The following SGO2 variants were observed in gnomAD, a reference collection of about 807,000 sequenced individuals.
SGO2 encodes the protein shugoshin 2.
A neutral mutation model predicts 99.5 loss-of-function variants in SGO2; 68 were observed. The ratio of observed to expected loss-of-function variants is 0.68; its 90% confidence interval spans 0.56 to 0.84. The LOEUF is 0.84. SGO2 is among the 40% of genes least tolerant of loss of function. The probability of loss-of-function intolerance (pLI) is 0.00; values close to 1 mark genes in which losing one functional copy is unlikely to be tolerated. For missense variants in SGO2, 1,350 were observed against 1,436.7 expected (o/e 0.94, Z 0.97); for synonymous variants, 457 against 487.1 (o/e 0.94, Z 0.81).
chr2:200,528,573 G>T (rs2031215619), intron 1 of SGO2, among the ~76,000 whole-genome samples: 1 of 152,170 alleles, frequency 6.6e-6, no homozygotes, highest in Non-Finnish European at 1.5e-5. Flanking sequence ...TTAAATTTGA[G>T]ATGTGTGTTA....
chr2:200,555,394 C>T (rs1311328429), intron 5 of SGO2, among the ~76,000 whole-genome samples: 3 of 152,126 alleles, frequency 2.0e-5, no homozygotes, highest in African/African-American at 7.2e-5. Context: ...GCCTAATAAG[C>T]AGGCATAGCT....
intron 5 of SGO2, among the ~76,000 whole-genome samples, chr2:200,551,557 AT>A (rs906263593): frequency 1.3e-5 from 2 of 152,172 alleles, no homozygotes; most frequent in Admixed American, 6.5e-5. Flanking sequence ...ACCTCAATAC[AT>A]TTTTTTAAAA....
Position 200,572,268 on chromosome 2 carries a change from TA to T in SGO2, c.1929del (p.Gly644ValfsTer18), listed in dbSNP as rs1260834379. On this transcript the variant is annotated frameshift_variant, in exon 7 of 9. Transcript: ENST00000357799. LOFTEE classifies it high-confidence loss of function. ...AATGATAAAGATGTGGTGCATGGCC[TA>T]AAAAAAGGTAATTTTTTTTTCAAAA... Reference protein sequence around the residue: ...EDNDKDVVHGLKKGNFFFKTQ... With the variant: ...EDNDKDVVHGXKKGNFFFKTQ... 3.1e-6 allele frequency: 5 copies of T among 1,610,030 alleles called. No homozygotes were observed. The highest frequency in any genetic ancestry group is 3.4e-5 in the Admixed American group (2 of 59,394).
chr2:200,570,037 G>A lies in SGO2; in HGVS notation c.703+145G>A. 1 of 579,064 alleles carries A rather than the reference G, an allele frequency of 1.7e-6. No homozygotes were observed. The highest frequency in any genetic ancestry group is 2.9e-5 in the East Asian group (1 of 34,116). The allele number at this position is 579,064 out of a possible 1,614,324, so 35.9% of individuals were successfully genotyped here. On this transcript the variant is annotated intron_variant, in intron 6 of 8. Coordinates refer to ENST00000357799, the MANE Select transcript of SGO2 (RefSeq NM_152524.6). This position sits in a 1 kb window ranked among gnomAD's most constrained non-coding sequence, Gnocchi z 4.4. ...CTAACTTCTGCCATTTAAAACTGCT[G>A]GTGATAGATTTAATTTTAAAGTAAA...
Position 200,573,395 on chromosome 2 carries a change from ATCTC to A in SGO2, c.3050_3053del (p.Ile1017ThrfsTer2). On this transcript the variant is annotated frameshift_variant, in exon 7 of 9. Coordinates refer to ENST00000357799, the MANE Select transcript of SGO2 (RefSeq NM_152524.6). LOFTEE classifies it high-confidence loss of function. ...GTTAACAGAATCTTCACAGACATCT[ATCTC>A]CTTAGAATCTGATTTAAAACATATT... 2 of 1,602,990 alleles carry A rather than the reference ATCTC, an allele frequency of 1.2e-6. No individual in the cohort carries two copies. The highest frequency in any genetic ancestry group is 1.7e-6 in the Non-Finnish European group (2 of 1,176,962).
chr2:200,562,518 T>C (rs1302322422), intron 5 of SGO2, among the ~76,000 whole-genome samples: 8 of 152,230 alleles, frequency 5.3e-5, no homozygotes, highest in Non-Finnish European at 8.8e-5. Context: ...TCTTTTGGCT[T>C]AGGATTGTCT....
chr2:200,551,858 A>G (rs556652117), intron 5 of SGO2, among the ~76,000 whole-genome samples: 3 of 152,306 alleles, frequency 2.0e-5, no homozygotes, highest in Non-Finnish European at 4.4e-5. Flanking sequence ...CCTTTTGTCA[A>G]TACCACACTG....
intron 8 of SGO2, among the ~76,000 whole-genome samples, chr2:200,582,138 G>A (rs928607361): frequency 6.6e-6 from 1 of 152,042 alleles, no homozygotes; most frequent in Non-Finnish European, 1.5e-5. Context: ...AAATTATTGG[G>A]TAAAATACTA....
At chr2:200,529,956 A>C (rs2031293285) in intron 1 of SGO2, among the ~76,000 whole-genome samples, 2 of 152,240 alleles carry the variant, frequency 1.3e-5, no homozygotes, top group Admixed American at 1.3e-4. Context: ...TAAATGCAGA[A>C]TAACCAGTAT....
At chr2:200,578,034 C>T (rs1243281641) in intron 8 of SGO2, among the ~76,000 whole-genome samples, 1 of 152,050 alleles carries the variant, frequency 6.6e-6, no homozygotes, top group Non-Finnish European at 1.5e-5. Context: ...TTTTAGCATC[C>T]ATTGGTGGAT....
chr2:200,536,180 G>A (rs761917738), intron 4 of SGO2, 38 bp downstream of exon 4: 2 of 1,249,290 alleles, frequency 1.6e-6, no homozygotes, highest in Non-Finnish European at 2.3e-6. Context: ...TTGTTCTTTA[G>A]ATTACTGAGG....
At chr2:200,541,706 T>A (rs1172125457) in intron 4 of SGO2, among the ~76,000 whole-genome samples, 1 of 152,234 alleles carries the variant, frequency 6.6e-6, no homozygotes, top group African/African-American at 2.4e-5. Context: ...GGATGTGCTC[T>A]TTAACACTGG....
At position 200,569,697 on chromosome 2, in the gene SGO2, G is replaced by A. The variant is rs777890121; in HGVS notation, c.508G>A (p.Asp170Asn). ...AACTTCAAATGATGATGAAGATGAA[G>A]ATAAAGAGAAAATGCAGTGTGACAA... ...PLTSNDDEDE[D>N]KEKMQCDNNI... The change falls in exon 6 of 9, where the codon GAT becomes AAT. Residue 170 changes from aspartate to asparagine, a missense_variant. Physicochemically the swap from Asp to Asn is conservative, Grantham distance 23. Transcript: ENST00000357799. 4 of 1,610,644 alleles carry A rather than the reference G, an allele frequency of 2.5e-6. No homozygotes were observed. Among genetic ancestry groups the A allele is most frequent in the East Asian group, 2.2e-5 (1 of 44,672 alleles).
chr2:200,581,233 T>TAA (rs1218938939), intron 8 of SGO2, among the ~76,000 whole-genome samples: 3 of 152,158 alleles, frequency 2.0e-5, no homozygotes, highest in African/African-American at 7.2e-5. Context: ...ATTTACTGTA[T>TAA]TTATTATGTT....
At position 200,571,905 on chromosome 2, in the gene SGO2, A is replaced by T; in HGVS notation, c.1559A>T (p.Asp520Val). Residue 520 changes from aspartate to valine, a missense_variant, in exon 7 of 9, where the codon GAT becomes GTT. Transcript: ENST00000357799. Reference protein sequence around the residue: ...SGKFHQESKFDKGQNSLTCNK... With the variant: ...SGKFHQESKFVKGQNSLTCNK... ...AAATTTCACCAGGAGAGTAAATTTG[A>T]TAAGGGTCAGAATTCCCTAACTTGT... 1.2e-6 allele frequency: 2 copies of T among 1,613,654 alleles called. No homozygotes were observed. The highest frequency in any genetic ancestry group is 1.7e-6 in the Non-Finnish European group (2 of 1,179,650).
chr2:200,552,985 A>G (rs1319032496), intron 5 of SGO2, among the ~76,000 whole-genome samples: 1 of 152,000 alleles, frequency 6.6e-6, no homozygotes, highest in East Asian at 1.9e-4. Flanking sequence ...CCTTAATGCT[A>G]AGGGTTGTAG....
At chr2:200,576,877 A>G (rs1185672849) in intron 8 of SGO2, among the ~76,000 whole-genome samples, 1 of 152,162 alleles carries the variant, frequency 6.6e-6, no homozygotes, top group Non-Finnish European at 1.5e-5. Flanking sequence ...CAGTATTTCA[A>G]TTCATTTTTA....
At position 200,571,119 on chromosome 2, in the gene SGO2, T is replaced by A; in HGVS notation, c.773T>A (p.Ile258Asn). 1 of 1,613,466 alleles carries A rather than the reference T, an allele frequency of 6.2e-7. No individual in the cohort carries two copies. The highest frequency in any genetic ancestry group is 8.5e-7 in the Non-Finnish European group (1 of 1,179,598). ...LMSEMRNAQS[I>N]GRRWEKPSPS... Reference sequence around the variant, plus strand: ...AGTGAGATGAGAAACGCCCAGTCTATTGGCCGCAGATGGGAGAAACCATCT... The same window carrying A: ...AGTGAGATGAGAAACGCCCAGTCTAATGGCCGCAGATGGGAGAAACCATCT... Residue 258 changes from isoleucine (I) to asparagine (N), a missense_variant, in exon 7 of 9, where the codon ATT (isoleucine) becomes AAT (asparagine). Physicochemically the swap from Ile to Asn is moderately radical, Grantham distance 149 (BLOSUM62 -3). Coordinates refer to ENST00000357799, the MANE Select transcript of SGO2 (RefSeq NM_152524.6).
At chr2:200,553,053 C>T (rs2032561638) in intron 5 of SGO2, among the ~76,000 whole-genome samples, 1 of 152,072 alleles carries the variant, frequency 6.6e-6, no homozygotes, top group Admixed American at 6.5e-5. Flanking sequence ...GATAATATTC[C>T]TGCCTAACTG....
Sources: gnomAD v4.1 joint callset for allele counts (sites outside exome capture counted in the v4.1 genomes callset) on GRCh38, gnomAD v4.1.1 for gene constraint, Gnocchi (gnomAD v3.1) non-coding constraint, MANE v1.5 for transcripts, NCBI Gene and HGNC (gene_info 2026-07-23, HGNC 2026-07-21) for gene names.